DLGAP2: variants seen among roughly 807,000 people sequenced by gnomAD.
DLGAP2 encodes DLG associated protein 2, also known as disks large-associated protein 2.
A neutral mutation model predicts 100.3 loss-of-function variants in DLGAP2; 26 were observed. That is an observed-to-expected ratio of 0.26 (90% CI 0.19 to 0.36). The LOEUF (loss-of-function observed/expected upper bound fraction) is 0.36. DLGAP2 is among the 10% of genes least tolerant of loss of function. The probability of loss-of-function intolerance (pLI) is 1.00; values close to 1 mark genes in which losing one functional copy is unlikely to be tolerated. For missense variants in DLGAP2, 1,858 were observed against 1,453.2 expected (o/e 1.28, Z -4.53); for synonymous variants, 886 against 630.1 (o/e 1.41, Z -6.08).
intron 3 of DLGAP2, among the ~76,000 whole-genome samples, chr8:1,284,150 T>C (rs1278143210): frequency 6.6e-6 from 1 of 152,226 alleles, no homozygotes; most frequent in Non-Finnish European, 1.5e-5. Context: ...TGCGCGGCTG[T>C]CTCCTGCAGT....
intron 6 of DLGAP2, among the ~76,000 whole-genome samples, chr8:1,623,651 T>C (rs140011639): frequency 0.016 from 2,203 of 139,500 alleles, 25 homozygotes; most frequent in Middle Eastern, 0.098. Context: ...GGCACCAGTG[T>C]GTGATGACCT....
chr8:789,485 C>T (rs1304582402), intron 1 of DLGAP2, among the ~76,000 whole-genome samples: 1 of 152,204 alleles, frequency 6.6e-6, no homozygotes, highest in South Asian at 2.1e-4. Context: ...GCCCCTCTTC[C>T]GACACTGGGG....
intron 13 of DLGAP2, among the ~76,000 whole-genome samples, chr8:1,694,854 G>T (rs1229222984): frequency 1.3e-5 from 2 of 151,460 alleles, no homozygotes; most frequent in East Asian, 3.9e-4. Flanking sequence ...CACAACCATT[G>T]ACTTTTTTTT....
chr8:1,439,889 G>A (rs1277786146), intron 3 of DLGAP2, among the ~76,000 whole-genome samples: 1 of 152,100 alleles, frequency 6.6e-6, no homozygotes, highest in Admixed American at 6.5e-5. Flanking sequence ...GACTGTTGAT[G>A]GGCTGAATGT....
At chr8:863,376 AG>A (rs1563069296) in intron 1 of DLGAP2, among the ~76,000 whole-genome samples, 1 of 152,238 alleles carries the variant, frequency 6.6e-6, no homozygotes, top group East Asian at 1.9e-4. Flanking sequence ...CAAATATTTA[AG>A]GTTAGCTGTC....
At chr8:1,285,879 G>A (rs867700007) in intron 3 of DLGAP2, among the ~76,000 whole-genome samples, 1 of 152,178 alleles carries the variant, frequency 6.6e-6, no homozygotes, top group African/African-American at 2.4e-5. Flanking sequence ...GATTACCTGA[G>A]CCCAGAAGGT....
chr8:1,375,052 C>T (rs1294403801), intron 3 of DLGAP2, among the ~76,000 whole-genome samples: 1 of 152,244 alleles, frequency 6.6e-6, no homozygotes, highest in African/African-American at 2.4e-5. Flanking sequence ...TGTTCATCTC[C>T]AGGAAATTAG....
At position 1,548,744 on chromosome 8, in the gene DLGAP2, C is replaced by T. The variant is rs746255402; in HGVS notation, c.291C>T (p.His97=). 1.2e-6 allele frequency: 2 copies of T among 1,605,830 alleles called. No homozygotes were observed. Among genetic ancestry groups the T allele is most frequent in the East Asian group, 2.2e-5 (1 of 44,646 alleles). ...SRTQPPLCSG[H]TCGLAPPEDC... ...CCCAGCCGCCGCTGTGTTCCGGGCA[C>T]ACGTGTGGTCTGGCGCCCCCGGAGG... The change falls in exon 5 of 15, where the codon CAC becomes CAT. Residue 97 remains histidine (H), a synonymous_variant. Coordinates refer to ENST00000637795, the MANE Select transcript of DLGAP2 (RefSeq NM_001346810.2).
chr8:846,845 C>G (rs1797079711), intron 1 of DLGAP2, among the ~76,000 whole-genome samples: 1 of 152,106 alleles, frequency 6.6e-6, no homozygotes, highest in Admixed American at 6.5e-5. Flanking sequence ...TTGCATTTTC[C>G]CAGTGATGAG....
At chr8:1,571,371 A>G (rs1484538552) in intron 6 of DLGAP2, among the ~76,000 whole-genome samples, 12 of 67,200 alleles carry the variant, frequency 1.8e-4, no homozygotes, top group Non-Finnish European at 2.0e-4. Context: ...GATGGAGAGG[A>G]GAGAGGGGTG....
Position 737,835 on chromosome 8 carries a change from G to C in DLGAP2, c.18+10G>C. 1 of 377,608 alleles carries C rather than the reference G, an allele frequency of 2.6e-6. No individual in the cohort carries two copies. Among genetic ancestry groups the C allele is most frequent in the Admixed American group, 4.6e-5 (1 of 21,920 alleles). 23.4% of individuals were successfully genotyped at this position (377,608 alleles called of 1,614,324 possible). On this transcript the variant is annotated intron_variant, in intron 1 of 14. Coordinates refer to ENST00000637795, the MANE Select transcript of DLGAP2 (RefSeq NM_001346810.2). Reference sequence around the variant, plus strand: ...GTCCGCGCTGAGGAAGGTGCGAGCCGCCGGGGGCTGCCGGGAGCCGGGCGC... The same window carrying C: ...GTCCGCGCTGAGGAAGGTGCGAGCCCCCGGGGGCTGCCGGGAGCCGGGCGC...
chr8:864,914 T>C (rs1797466055), intron 1 of DLGAP2, among the ~76,000 whole-genome samples: 1 of 152,246 alleles, frequency 6.6e-6, no homozygotes, highest in Non-Finnish European at 1.5e-5. Context: ...TAAATGTTTC[T>C]TCTTTAATAT....
At chr8:1,338,538 C>G (rs1490367144) in intron 3 of DLGAP2, among the ~76,000 whole-genome samples, 2 of 152,152 alleles carry the variant, frequency 1.3e-5, no homozygotes, top group Non-Finnish European at 2.9e-5. Context: ...TGATGCAAAT[C>G]CTTTGAAATT....
chr8:739,153 G>C (rs1022844252), intron 1 of DLGAP2: 2 of 152,426 alleles, frequency 1.3e-5, no homozygotes, highest in Non-Finnish European at 2.9e-5. Flanking sequence ...CCCGGGCTGT[G>C]GGGGGTTTGG....
Position 1,187,717 on chromosome 8 carries a change from C to T in DLGAP2, c.74-71134C>T, listed in dbSNP as rs1249701432. Among the ~76,000 whole-genome samples the T allele has an allele frequency of 4.8e-5, 7 of 144,474 alleles. No homozygotes were observed. In the East Asian group the frequency reaches 1.5e-3, roughly 31 times the overall value. The allele number at this position is 144,474 out of a possible 152,430, so 94.8% of individuals were successfully genotyped here. A position where few individuals can be genotyped will look rare whatever the true frequency, so the allele number is the denominator to read the frequency against. On this transcript the variant is annotated intron_variant, in intron 2 of 14. Coordinates refer to ENST00000637795, the MANE Select transcript of DLGAP2 (RefSeq NM_001346810.2). ...CAGGACCTCTGTGACGTTTCCCTCACGGAATCTCACACGCCCGAGACTTCC... is the reference window on the plus strand; with the variant it reads ...CAGGACCTCTGTGACGTTTCCCTCATGGAATCTCACACGCCCGAGACTTCC...
At chr8:1,381,787 G>A (rs1796101158) in intron 3 of DLGAP2, among the ~76,000 whole-genome samples, 1 of 97,516 alleles carries the variant, frequency 1.0e-5, no homozygotes, top group Non-Finnish European at 1.9e-5. Context: ...ATTCTAGTGT[G>A]TGTGTGTGTG....
chr8:1,051,987 C>G (rs1474931979), intron 2 of DLGAP2, among the ~76,000 whole-genome samples: 2 of 152,154 alleles, frequency 1.3e-5, no homozygotes, highest in African/African-American at 4.8e-5. Context: ...TGCCACCTGC[C>G]CACATTCTAC....
intron 2 of DLGAP2, among the ~76,000 whole-genome samples, chr8:1,000,749 A>G (rs1800931754): frequency 6.6e-6 from 1 of 152,104 alleles, no homozygotes; most frequent in Admixed American, 6.5e-5. Context: ...CGTCGACTGC[A>G]GGGGCGTTGG....
intron 8 of DLGAP2, among the ~76,000 whole-genome samples, chr8:1,634,483 G>T (rs965564839): frequency 6.6e-6 from 1 of 152,148 alleles, no homozygotes; most frequent in African/African-American, 2.4e-5. Context: ...GTAGCCTCCT[G>T]TTTTCCTCTG....
Sources: gnomAD v4.1 joint callset for allele counts (sites outside exome capture counted in the v4.1 genomes callset) on GRCh38, gnomAD v4.1.1 for gene constraint, MANE v1.5 for transcripts, NCBI Gene and HGNC (gene_info 2026-07-23, HGNC 2026-07-21) for gene names.